The following PDE10A variants were observed in gnomAD, a reference collection of about 807,000 sequenced individuals.
The protein encoded by PDE10A is phosphodiesterase 10A.
PDE10A carries 39 observed loss-of-function variants against 97.7 expected under a neutral mutation model. The observed-to-expected ratio is 0.40, with a 90% CI of 0.31 to 0.52. The LOEUF is 0.52. Ranked by LOEUF, PDE10A falls within the 20% of genes least tolerant of loss-of-function variation. The probability of loss-of-function intolerance (pLI) is 0.56; values close to 1 mark genes in which losing one functional copy is unlikely to be tolerated. For synonymous variants in PDE10A, 371 were observed against 376.8 expected, an observed-to-expected ratio of 0.98 and a Z score of 0.18; for missense variants, 731 against 1,047.8, an observed-to-expected ratio of 0.70 and a Z score of 4.17.
intron 2 of PDE10A, among the ~76,000 whole-genome samples, chr6:165,529,854 G>A (rs185444031): frequency 6.6e-6 from 1 of 152,210 alleles, no homozygotes; most frequent in African/African-American, 2.4e-5. Flanking sequence ...GACGTGTATG[G>A]GTTCAAGTTG....
chr6:165,574,704 CTT>C (rs1413673721), intron 1 of PDE10A, among the ~76,000 whole-genome samples: 3 of 152,142 alleles, frequency 2.0e-5, no homozygotes, highest in African/African-American at 7.2e-5. Flanking sequence ...TTAAAAAGCT[CTT>C]TGTTAAAAGT....
intron 19 of PDE10A, 111 bp from the exon 20 acceptor site, chr6:165,339,469 GTT>G (rs1315700438): frequency 1.4e-6 from 1 of 712,650 alleles, no homozygotes; most frequent in East Asian, 2.6e-5. Flanking sequence ...AACAAATAAT[GTT>G]TGTGGTTGTT....
intron 1 of PDE10A, among the ~76,000 whole-genome samples, chr6:165,897,478 G>C (rs1360068678): frequency 6.6e-6 from 1 of 152,050 alleles, no homozygotes; most frequent in Non-Finnish European, 1.5e-5. Context: ...TGAGCTGCAG[G>C]TGCCCCCAGG....
intron 10 of PDE10A, among the ~76,000 whole-genome samples, chr6:165,427,037 G>A (rs1214904695): frequency 6.6e-6 from 1 of 152,072 alleles, no homozygotes; most frequent in Non-Finnish European, 1.5e-5. Context: ...TGGTGCAACT[G>A]CCATGGAAAG....
chr6:165,463,536 T>C (rs749139057), intron 3 of PDE10A, among the ~76,000 whole-genome samples: 5 of 152,234 alleles, frequency 3.3e-5, no homozygotes, highest in Non-Finnish European at 7.3e-5. Flanking sequence ...TCAATGATGA[T>C]TGTGCTTTCA....
intron 1 of PDE10A, among the ~76,000 whole-genome samples, chr6:165,767,923 T>G (rs1184052230): frequency 1.2e-4 from 19 of 152,350 alleles, no homozygotes; most frequent in South Asian, 2.1e-4. Context: ...TCTCCACATG[T>G]TTGCCAGCAC....
chr6:165,644,659 T>G (rs1323297418), intron 1 of PDE10A, among the ~76,000 whole-genome samples: 7 of 152,220 alleles, frequency 4.6e-5, no homozygotes, highest in Non-Finnish European at 1.5e-5. Context: ...TCACACTGCA[T>G]GTACTTCATC....
chr6:165,781,118 A>G (rs984727764), intron 1 of PDE10A: 6 of 152,186 alleles, frequency 3.9e-5, no homozygotes, highest in African/African-American at 1.4e-4. Context: ...GTGGTTTGTT[A>G]CAAAGCCAGG....
chr6:165,447,174 A>G (rs1299306545), intron 5 of PDE10A, among the ~76,000 whole-genome samples: 1 of 152,082 alleles, frequency 6.6e-6, no homozygotes, highest in African/African-American at 2.4e-5. Context: ...CCGCAAAGTC[A>G]GCATTTTGGG....
intron 1 of PDE10A, among the ~76,000 whole-genome samples, chr6:165,903,994 A>G (rs1313600131): frequency 6.6e-6 from 1 of 152,200 alleles, no homozygotes; most frequent in African/African-American, 2.4e-5. Flanking sequence ...GCCTGGCTGC[A>G]ATGGGCCAAG....
intron 1 of PDE10A, among the ~76,000 whole-genome samples, chr6:165,749,091 T>C (rs948533852): frequency 6.8e-6 from 1 of 147,232 alleles, no homozygotes; most frequent in Non-Finnish European, 1.5e-5. Context: ...TTAATGCATG[T>C]TAATCAGTTA....
At chr6:165,416,683 T>A (rs976139377) in intron 11 of PDE10A, among the ~76,000 whole-genome samples, 1 of 152,198 alleles carries the variant, frequency 6.6e-6, no homozygotes, top group African/African-American at 2.4e-5. Flanking sequence ...TCATAAAATA[T>A]CAGTGGCACA....
intron 1 of PDE10A, among the ~76,000 whole-genome samples, chr6:165,958,481 A>G (rs1419768407): frequency 3.1e-5 from 4 of 127,128 alleles, no homozygotes; most frequent in Non-Finnish European, 7.0e-5. Flanking sequence ...AGAAAGAAAG[A>G]GAGAAAGAGA....
intron 1 of PDE10A, among the ~76,000 whole-genome samples, chr6:165,626,658 G>A (rs1388050243): frequency 4.6e-5 from 7 of 152,188 alleles, no homozygotes; most frequent in Admixed American, 3.3e-4. Context: ...TTACCATTCA[G>A]GATTAAGAGA....
At chr6:165,562,557 A>G (rs1236677081) in intron 1 of PDE10A, among the ~76,000 whole-genome samples, 1 of 152,208 alleles carries the variant, frequency 6.6e-6, no homozygotes, top group African/African-American at 2.4e-5. Flanking sequence ...TTTAGCATCT[A>G]CATTCCCTAG....
At chr6:165,360,964 C>G (rs1562382147) in intron 18 of PDE10A, among the ~76,000 whole-genome samples, 1 of 152,146 alleles carries the variant, frequency 6.6e-6, no homozygotes, top group Admixed American at 6.6e-5. Context: ...AGACAATTTG[C>G]TTTCCCCCAA....
intron 1 of PDE10A, among the ~76,000 whole-genome samples, chr6:165,777,492 T>C (rs1043554735): frequency 1.7e-5 from 2 of 115,198 alleles, no homozygotes; most frequent in African/African-American, 8.6e-5. Context: ...ATCTCGTCTT[T>C]GCAGTCAGTA....
chr6:165,927,949 C>A (rs184422061), intron 1 of PDE10A, among the ~76,000 whole-genome samples: 3 of 150,700 alleles, frequency 2.0e-5, no homozygotes, highest in Non-Finnish European at 4.4e-5. Context: ...TGCGCACCCT[C>A]GCCTCCCAAA....
At chr6:165,566,835 C>A (rs1424223378) in intron 1 of PDE10A, among the ~76,000 whole-genome samples, 5 of 152,132 alleles carry the variant, frequency 3.3e-5, no homozygotes, top group African/African-American at 1.2e-4. Context: ...CCAATCCTTA[C>A]TGTCATACAC....
Sources: allele counts gnomAD v4.1 joint callset (sites outside exome capture counted in the v4.1 genomes callset), GRCh38; gene constraint gnomAD v4.1.1; transcripts MANE v1.5; gene names NCBI Gene and HGNC (gene_info 2026-07-23, HGNC 2026-07-21).